The following LCLAT1 variants were observed in gnomAD, a reference collection of about 807,000 sequenced individuals.
LCLAT1 encodes 1-AGP acyltransferase 8.
In LCLAT1, 11 loss-of-function variants were observed where a neutral mutation model predicts 30.7. That is an observed-to-expected ratio of 0.36 (90% CI 0.23 to 0.59). The LOEUF (loss-of-function observed/expected upper bound fraction) is 0.59, where lower values mean the gene tolerates loss of function less well. Ranked by LOEUF, LCLAT1 falls within the 20% of genes least tolerant of loss-of-function variation. The pLI is 0.77. For missense variants in LCLAT1, 402 were observed against 458.6 expected, an observed-to-expected ratio of 0.88 and a Z score of 1.13; for synonymous variants, 155 against 151.3, an observed-to-expected ratio of 1.02 and a Z score of -0.18.
intron 3 of LCLAT1, among the ~76,000 whole-genome samples, chr2:30,534,923 G>A (rs1213650140): frequency 6.6e-6 from 1 of 152,082 alleles, no homozygotes. Context: ...ATTACCAGTA[G>A]CAAGATTGAT....
At chr2:30,495,961 T>A (rs1214268800) in intron 1 of LCLAT1, among the ~76,000 whole-genome samples, 2 of 152,084 alleles carry the variant, frequency 1.3e-5, no homozygotes, top group Non-Finnish European at 2.9e-5. Flanking sequence ...TGAGACTGGG[T>A]AATTTATAAA....
intron 1 of LCLAT1, among the ~76,000 whole-genome samples, chr2:30,479,585 G>C (rs1212435962): frequency 6.6e-6 from 1 of 152,146 alleles, no homozygotes; most frequent in Non-Finnish European, 1.5e-5. Flanking sequence ...TAAAAGACAG[G>C]TAAGACTACT....
intron 1 of LCLAT1, among the ~76,000 whole-genome samples, chr2:30,521,977 C>CT (rs1164551085): frequency 6.6e-6 from 1 of 152,170 alleles, no homozygotes; most frequent in Non-Finnish European, 1.5e-5. Context: ...AGTCTGGCCT[C>CT]TTTCATTCAG....
At position 30,563,366 on chromosome 2, in the gene LCLAT1, A is replaced by G. The variant is rs745999900; in HGVS notation, c.511+1074A>G. On this transcript the variant is annotated intron_variant, in intron 4 of 5. Coordinates refer to ENST00000379509, the MANE Select transcript of LCLAT1 (RefSeq NM_001002257.3). ...AGCCTTCTATCAAGGATGTTAGATA[A>G]TAAGATGGATAAAAGCAGAACTGCT... Among the ~76,000 whole-genome samples, 6 of 152,350 alleles carry G rather than the reference A, an allele frequency of 3.9e-5. No homozygotes were observed. In the East Asian group the frequency reaches 7.7e-4, roughly 20 times the overall value.
intron 3 of LCLAT1, among the ~76,000 whole-genome samples, chr2:30,542,669 A>G (rs1181888920): frequency 6.6e-6 from 1 of 152,058 alleles, no homozygotes; most frequent in Non-Finnish European, 1.5e-5. Context: ...ATTCAATCTA[A>G]TTTCCCTTTG....
At position 30,642,215 on chromosome 2, in the gene LCLAT1, C is replaced by G. The variant is rs1425533083; in HGVS notation, c.*1596C>G. 6.6e-6 allele frequency: 1 copy of G among 152,074 alleles called. No homozygotes were observed. The highest frequency in any genetic ancestry group is 1.5e-5 in the Non-Finnish European group (1 of 68,010). The allele number at this position is 152,074 out of a possible 1,614,324, so 9.4% of individuals were successfully genotyped here. A position where few individuals can be genotyped will look rare whatever the true frequency, so the allele number is the denominator to read the frequency against. On this transcript the variant is annotated 3_prime_UTR_variant, in exon 6 of 6. Transcript: ENST00000379509. The stretch of plus-strand genomic sequence containing the variant: ...ACTGGTTGAGGCTGAACACTGTTGA[C>G]ACATCATTTTTATTGGAAGAGTATT...
intron 1 of LCLAT1, among the ~76,000 whole-genome samples, chr2:30,482,180 T>C (rs2148312200): frequency 6.6e-6 from 1 of 152,336 alleles, no homozygotes; most frequent in South Asian, 2.1e-4. Context: ...GACAGACATC[T>C]AAATAGGGAT....
At chr2:30,592,231 A>G (rs1284227034) in intron 5 of LCLAT1, among the ~76,000 whole-genome samples, 2 of 152,230 alleles carry the variant, frequency 1.3e-5, no homozygotes, top group African/African-American at 2.4e-5. Flanking sequence ...TGAAAAACCA[A>G]TTCACTTGAT....
At chr2:30,471,810 A>C (rs942689364) in intron 1 of LCLAT1, among the ~76,000 whole-genome samples, 1 of 152,182 alleles carries the variant, frequency 6.6e-6, no homozygotes, top group African/African-American at 2.4e-5. Context: ...ACATAGGATC[A>C]TGTCATGTGC....
At chr2:30,554,597 T>A (rs1004445789) in intron 3 of LCLAT1, among the ~76,000 whole-genome samples, 1 of 152,188 alleles carries the variant, frequency 6.6e-6, no homozygotes, top group African/African-American at 2.4e-5. Context: ...CATAAGGTTG[T>A]CTTGAGAATT....
At position 30,625,902 on chromosome 2, in the gene LCLAT1, A is replaced by C. The variant is rs367668497; in HGVS notation, c.629-14215A>C. ...CTCAGTTTCTGCAAGTATAAAAGAA[A>C]GATAATTTCTCAAGGGCTCTTACGA... On this transcript the variant is annotated intron_variant, in intron 5 of 5. Coordinates refer to ENST00000379509, the MANE Select transcript of LCLAT1 (RefSeq NM_001002257.3). Among the ~76,000 whole-genome samples the C allele has an allele frequency of 5.3e-5, 8 of 152,332 alleles. No individual in the cohort carries two copies. The East Asian group carries it at 1.4e-3, about 26-fold the overall frequency.
At chr2:30,532,850 T>G (rs1686048413) in intron 2 of LCLAT1, among the ~76,000 whole-genome samples, 1 of 152,190 alleles carries the variant, frequency 6.6e-6, no homozygotes, top group Admixed American at 6.5e-5. Flanking sequence ...CCTTTTATAC[T>G]TTTTGCTTAA....
At chr2:30,465,434 G>A (rs1416610078) in intron 1 of LCLAT1, among the ~76,000 whole-genome samples, 1 of 152,146 alleles carries the variant, frequency 6.6e-6, no homozygotes, top group African/African-American at 2.4e-5. Flanking sequence ...TTGGCCTCTA[G>A]GAGTGGAAGA....
In LCLAT1 at chr2:30,589,317, A is replaced by G. The variant is rs145081346; in HGVS notation, c.628+21141A>G. 2.7e-3 allele frequency among the ~76,000 whole-genome samples: 414 copies of G among 152,330 alleles called. 1 individual carries two copies. The highest frequency in any genetic ancestry group is 9.7e-3 in the African/African-American group (402 of 41,560). On this transcript the variant is annotated intron_variant, in intron 5 of 5. Coordinates refer to ENST00000379509, the MANE Select transcript of LCLAT1 (RefSeq NM_001002257.3). ...GGGGAGTTGTATATGACACAATTAC[A>G]ATAGTTCCTCTAGGATGTTGTGTTA...
intron 2 of LCLAT1, among the ~76,000 whole-genome samples, chr2:30,527,884 A>T (rs1685795222): frequency 6.6e-6 from 1 of 152,130 alleles, no homozygotes; most frequent in Non-Finnish European, 1.5e-5. Flanking sequence ...TTTGGAGAAA[A>T]TTCAAAATAT....
chr2:30,562,511 A>G (rs1440148803), intron 4 of LCLAT1, among the ~76,000 whole-genome samples: 1 of 152,094 alleles, frequency 6.6e-6, no homozygotes, highest in Non-Finnish European at 1.5e-5. Flanking sequence ...TCTCAAAAAA[A>G]CAAAACAAAA....
At chr2:30,595,500 C>G (rs574204011) in intron 5 of LCLAT1, among the ~76,000 whole-genome samples, 1 of 152,300 alleles carries the variant, frequency 6.6e-6, no homozygotes, top group South Asian at 2.1e-4. Flanking sequence ...CAACCAGAAC[C>G]TGTGCCCTGG....
intron 1 of LCLAT1, among the ~76,000 whole-genome samples, chr2:30,522,786 C>A (rs555796024): frequency 2.0e-5 from 3 of 152,152 alleles, no homozygotes; most frequent in Non-Finnish European, 4.4e-5. Context: ...AGTTTAGAGA[C>A]ATATTTCAGG....
intron 5 of LCLAT1, among the ~76,000 whole-genome samples, chr2:30,599,615 T>G (rs1189355235): frequency 6.6e-6 from 1 of 152,234 alleles, no homozygotes; most frequent in African/African-American, 2.4e-5. Flanking sequence ...AGACCTTGTT[T>G]TATGAAACTA....
Sources: allele counts gnomAD v4.1 joint callset (sites outside exome capture counted in the v4.1 genomes callset), GRCh38; gene constraint gnomAD v4.1.1; transcripts MANE v1.5; gene names NCBI Gene and HGNC (gene_info 2026-07-23, HGNC 2026-07-21).